TNRC18: variants seen among roughly 807,000 people sequenced by gnomAD.
TNRC18 encodes trinucleotide repeat containing 18, also known as trinucleotide repeat-containing gene 18 protein.
Under a neutral mutation model 226.7 loss-of-function variants are expected in TNRC18, and 69 were observed. The observed-to-expected ratio is 0.30, with a 90% CI of 0.25 to 0.37. The LOEUF (loss-of-function observed/expected upper bound fraction) is 0.37, where lower values mean the gene tolerates loss of function less well. Among genes scored for constraint, TNRC18 ranks in the 10% least tolerant of loss-of-function variants. The pLI is 1.00. For synonymous variants in TNRC18, 2,449 were observed against 1,927.6 expected (o/e 1.27, Z -7.09); for missense variants, 4,754 against 4,256.6 (o/e 1.12, Z -3.25).
At chr7:5,364,462 A>ACACAC (rs778462099) in intron 11 of TNRC18, among the ~76,000 whole-genome samples, 10 of 116,722 alleles carry the variant, frequency 8.6e-5, no homozygotes, top group Non-Finnish European at 1.4e-4. Context: ...TCTCAAAGAA[A>ACACAC]ACACACACAC....
intron 5 of TNRC18, among the ~76,000 whole-genome samples, chr7:5,381,085 C>A (rs1210206065): frequency 2.0e-5 from 3 of 152,198 alleles, no homozygotes; most frequent in African/African-American, 7.2e-5. Context: ...CCAAGCGCCA[C>A]CTGCCACAGA....
chr7:5,386,471 G>A (rs1386641204), intron 5 of TNRC18, among the ~76,000 whole-genome samples: 2 of 151,862 alleles, frequency 1.3e-5, no homozygotes, highest in African/African-American at 2.4e-5. Context: ...CAGCTACTGG[G>A]GAGACTGAGG....
chr7:5,391,746 C>T (rs903010613), intron 3 of TNRC18, among the ~76,000 whole-genome samples: 8 of 150,484 alleles, frequency 5.3e-5, no homozygotes, highest in Non-Finnish European at 1.2e-4. Context: ...CCTTTAATCC[C>T]AGCACTCTGG....
In TNRC18 at chr7:5,377,326, A is replaced by ACCCCC; in HGVS notation, c.2461+44_2461+45insGGGGG. The ACCCCC allele has an allele frequency of 1.8e-6, 1 of 560,794 alleles. No homozygotes were observed. Among genetic ancestry groups the ACCCCC allele is most frequent in the Non-Finnish European group, 3.0e-6 (1 of 334,282 alleles). The allele number at this position is 560,794 out of a possible 1,614,324, so 34.7% of individuals were successfully genotyped here. A position where few individuals can be genotyped will look rare whatever the true frequency, so the allele number is the denominator to read the frequency against. On this transcript the variant is annotated intron_variant, in intron 7 of 29. Coordinates refer to ENST00000430969, the MANE Select transcript of TNRC18 (RefSeq NM_001080495.3). The surrounding 1 kb of genome is among the most constrained non-coding windows in gnomAD (Gnocchi z 5.8). Reference sequence around the variant, plus strand: ...TCTTGTCCTGCACCCGCCCCCTCCCACCCCTCCCTCAGAGAAGGGGAGAGA... The same window carrying ACCCCC: ...TCTTGTCCTGCACCCGCCCCCTCCCACCCCCCCCCTCCCTCAGAGAAGGGGAGAGA...
At chr7:5,333,172 T>C (rs1789735730) in intron 18 of TNRC18, 123 bp from the exon 19 acceptor site, 1 of 1,147,516 alleles carries the variant, frequency 8.7e-7, no homozygotes, top group Non-Finnish European at 1.3e-6. Context: ...CTTCTGCCCG[T>C]TTCCAGGAGA....
intron 2 of TNRC18, chr7:5,420,849 C>G (rs1362301470): frequency 5.4e-6 from 4 of 740,462 alleles, no homozygotes; most frequent in Non-Finnish European, 7.2e-6. Flanking sequence ...GCCAAGCACG[C>G]TACGGAAAAG....
chr7:5,382,954 G>C (rs1001925136), intron 5 of TNRC18, among the ~76,000 whole-genome samples: 7 of 152,248 alleles, frequency 4.6e-5, no homozygotes, highest in African/African-American at 1.7e-4. Context: ...TTGGGGCTCA[G>C]TGGTGCGATC....
At chr7:5,391,807 G>A (rs1307931128) in intron 3 of TNRC18, among the ~76,000 whole-genome samples, 1 of 144,946 alleles carries the variant, frequency 6.9e-6, no homozygotes, top group Non-Finnish European at 1.5e-5. Flanking sequence ...GACCAGCCTG[G>A]GAAACATAGT....
chr7:5,360,060 C>T (rs1792876234), intron 14 of TNRC18, among the ~76,000 whole-genome samples: 1 of 152,020 alleles, frequency 6.6e-6, no homozygotes, highest in African/African-American at 2.4e-5. Context: ...ACAGACATGG[C>T]TTAGAAGCCC....
At chr7:5,310,600 TCAC>T (rs1377248120) in intron 27 of TNRC18, among the ~76,000 whole-genome samples, 1 of 151,744 alleles carries the variant, frequency 6.6e-6, no homozygotes, top group African/African-American at 2.4e-5. Flanking sequence ...AGTGGCACAA[TCAC>T]AGCTCACTGC....
intron 18 of TNRC18, among the ~76,000 whole-genome samples, chr7:5,334,251 C>T (rs1251344230): frequency 6.6e-6 from 1 of 152,098 alleles, no homozygotes; most frequent in East Asian, 1.9e-4. Context: ...GGGGGCTGCC[C>T]AGTGGGAAAA....
At chr7:5,349,172 C>T (rs1044292931) in intron 17 of TNRC18, among the ~76,000 whole-genome samples, 22 of 152,328 alleles carry the variant, frequency 1.4e-4, no homozygotes, top group African/African-American at 5.1e-4. Flanking sequence ...AATGCCCGCA[C>T]CTCGGCATGG....
chr7:5,392,760 C>G (rs1412255246), intron 3 of TNRC18, among the ~76,000 whole-genome samples: 1 of 152,214 alleles, frequency 6.6e-6, no homozygotes, highest in South Asian at 2.1e-4. Flanking sequence ...GTAATCCCAG[C>G]ACTTTGGGAG....
chr7:5,325,299 G>A (rs1788785311), intron 19 of TNRC18, 51 bp from the exon 20 acceptor site: 3 of 1,534,160 alleles, frequency 2.0e-6, no homozygotes, highest in East Asian at 4.9e-5. Flanking sequence ...GGAAAGCACA[G>A]GCAGCACCCC....
In TNRC18 at chr7:5,388,120, C is replaced by T. The variant is rs748930954; in HGVS notation, c.1704G>A (p.Pro568=). Residue 568 remains proline, a synonymous_variant, in exon 5 of 30, where the codon CCG becomes CCA. Transcript: ENST00000430969. ...GGGCCGCAGAGTGCATGTCAGCGAC[C>T]GGCCGGCCGCAGGTGGCCGCCGAGC... ...LPRSAATCGR[P]VADMHSAAHG... The T allele has an allele frequency of 5.8e-6, 9 of 1,552,716 alleles. No homozygotes were observed. In the South Asian group the frequency reaches 7.1e-5, roughly 12 times the overall value.
rs762780080 is a variant in TNRC18 at position 5,307,544 on chromosome 7, G to C, written c.*562C>G. 3.8e-5 allele frequency: 17 copies of C among 450,166 alleles called. No homozygotes were observed. The highest frequency in any genetic ancestry group is 2.4e-4 in the South Asian group (15 of 63,420). 27.9% of individuals were successfully genotyped at this position (450,166 alleles called of 1,614,324 possible). ...CCGGGCTGCAACCCCACCCGGCTCT[G>C]TTCCCCAAGTCTAGGCCATCCTGAG... On this transcript the variant is annotated 3_prime_UTR_variant, in exon 30 of 30. Transcript: ENST00000430969.
chr7:5,339,595 G>C (rs1025460797), intron 18 of TNRC18, among the ~76,000 whole-genome samples: 2 of 144,452 alleles, frequency 1.4e-5, no homozygotes, highest in African/African-American at 5.2e-5. Context: ...ACAGAGTGTC[G>C]CTCTTGTCAC....
chr7:5,339,204 GTGT>G (rs1169135376), intron 18 of TNRC18, among the ~76,000 whole-genome samples: 2 of 148,764 alleles, frequency 1.3e-5, no homozygotes, highest in Non-Finnish European at 3.0e-5. Flanking sequence ...ACCAACAAAT[GTGT>G]TTTTTTTGTT....
chr7:5,382,185 G>C (rs1583998501), intron 5 of TNRC18, among the ~76,000 whole-genome samples: 1 of 152,204 alleles, frequency 6.6e-6, no homozygotes, highest in East Asian at 1.9e-4. Flanking sequence ...CAAGTCACAA[G>C]ACTAACATGG....
Sources: allele counts gnomAD v4.1 joint callset (sites outside exome capture counted in the v4.1 genomes callset), GRCh38; gene constraint gnomAD v4.1.1; non-coding constraint Gnocchi (gnomAD v3.1); transcripts MANE v1.5; gene names NCBI Gene and HGNC (gene_info 2026-07-23, HGNC 2026-07-21).